ATF6: variants seen among roughly 807,000 people sequenced by gnomAD.
ATF6 encodes the protein activating transcription factor 6, also known as cyclic AMP-dependent transcription factor ATF-6 alpha.
In ATF6, 53 loss-of-function variants were observed where a neutral mutation model predicts 83.6. The ratio of observed to expected loss-of-function variants is 0.63; its 90% CI spans 0.51 to 0.80. ATF6 has a LOEUF of 0.80. Among genes scored for constraint, ATF6 ranks in the 30% least tolerant of loss-of-function variants. ATF6 has a pLI of 0.00. For missense variants in ATF6, 744 were observed against 797.9 expected (o/e 0.93, Z 0.81); for synonymous variants, 288 against 285.8 (o/e 1.01, Z -0.08).
chr1:161,908,619 G>A (rs1260616821), intron 14 of ATF6, among the ~76,000 whole-genome samples: 4 of 147,764 alleles, frequency 2.7e-5, no homozygotes, highest in Admixed American at 2.1e-4. Flanking sequence ...TCATTCCAGA[G>A]GAAATCCTAT....
At chr1:161,854,414 G>A (rs538564118) in intron 12 of ATF6, among the ~76,000 whole-genome samples, 1 of 152,264 alleles carries the variant, frequency 6.6e-6, no homozygotes, top group South Asian at 2.1e-4. Context: ...ATCAGGCCTG[G>A]CTTTTAGCCA....
Position 161,887,048 on chromosome 1 carries a change from C to G in ATF6, c.1719+23736C>G, listed in dbSNP as rs1035786705. 2.2e-4 allele frequency among the ~76,000 whole-genome samples: 33 copies of G among 152,082 alleles called. No individual in the cohort carries two copies. In the East Asian group the frequency reaches 4.4e-3, roughly 20 times the overall value. On this transcript the variant is annotated intron_variant, in intron 14 of 15. Transcript: ENST00000367942. ...AAGGGAAGTGATATATTTGTCAACC[C>G]TAACTACATTGTAAAATGAAGCTTT...
intron 7 of ATF6, among the ~76,000 whole-genome samples, chr1:161,811,025 C>T (rs1389200931): frequency 2.6e-5 from 4 of 152,136 alleles, no homozygotes; most frequent in Non-Finnish European, 5.9e-5. Context: ...AGACATTTGG[C>T]TTGTCTCCAC....
At chr1:161,878,139 A>C (rs761139338) in intron 14 of ATF6, among the ~76,000 whole-genome samples, 12 of 151,984 alleles carry the variant, frequency 7.9e-5, no homozygotes, top group Non-Finnish European at 1.5e-4. Flanking sequence ...TTTGGAGACG[A>C]GTCTTATTCC....
At chr1:161,867,910 C>T (rs993473820) in intron 14 of ATF6, among the ~76,000 whole-genome samples, 1 of 152,214 alleles carries the variant, frequency 6.6e-6, no homozygotes, top group Non-Finnish European at 1.5e-5. Context: ...GTATGCACCC[C>T]TTACTGGTCC....
intron 15 of ATF6, among the ~76,000 whole-genome samples, chr1:161,918,833 T>C (rs1688149645): frequency 6.6e-6 from 1 of 152,192 alleles, no homozygotes; most frequent in South Asian, 2.1e-4. Flanking sequence ...AGACAGAAAT[T>C]CAGATTTTAT....
At chr1:161,924,766 A>G (rs955273797) in intron 15 of ATF6, among the ~76,000 whole-genome samples, 2 of 152,204 alleles carry the variant, frequency 1.3e-5, no homozygotes, top group Non-Finnish European at 1.5e-5. Context: ...CCTTGTGGGA[A>G]ATGTGATCTA....
chr1:161,784,826 A>G (rs760718466), intron 4 of ATF6, among the ~76,000 whole-genome samples: 4 of 152,190 alleles, frequency 2.6e-5, no homozygotes, highest in Non-Finnish European at 4.4e-5. Context: ...GGCCATCACT[A>G]TCTCACCTGG....
intron 14 of ATF6, among the ~76,000 whole-genome samples, chr1:161,905,657 T>C (rs1687864693): frequency 1.3e-5 from 2 of 152,226 alleles, no homozygotes; most frequent in African/African-American, 4.8e-5. Flanking sequence ...GACTTTTTTT[T>C]GGATTGCTGT....
At chr1:161,935,913 TTTC>T (rs1186078677) in intron 15 of ATF6, among the ~76,000 whole-genome samples, 1 of 152,258 alleles carries the variant, frequency 6.6e-6, no homozygotes, top group Non-Finnish European at 1.5e-5. Context: ...TAGAAATTTC[TTTC>T]TGTTACTGCT....
intron 12 of ATF6, among the ~76,000 whole-genome samples, chr1:161,854,791 G>A (rs1348770268): frequency 1.3e-5 from 2 of 152,054 alleles, no homozygotes; most frequent in African/African-American, 4.8e-5. Flanking sequence ...AGAATGGCAT[G>A]AACTTGGGAG....
At chr1:161,894,865 A>G (rs1475788441) in intron 14 of ATF6, among the ~76,000 whole-genome samples, 5 of 151,212 alleles carry the variant, frequency 3.3e-5, no homozygotes, top group Non-Finnish European at 5.9e-5. Context: ...TGTAGTCTTT[A>G]TGAGGTTTAC....
At chr1:161,893,008 C>T (rs1247145273) in intron 14 of ATF6, among the ~76,000 whole-genome samples, 3 of 152,046 alleles carry the variant, frequency 2.0e-5, no homozygotes, top group South Asian at 2.1e-4. Flanking sequence ...AAGCCATTGT[C>T]TTCTCAACAG....
At chr1:161,945,046 T>C (rs1558035753) in intron 15 of ATF6, among the ~76,000 whole-genome samples, 1 of 152,240 alleles carries the variant, frequency 6.6e-6, no homozygotes. Flanking sequence ...GTGGTGTCCA[T>C]ATCCTTAGGA....
chr1:161,893,236 G>A (rs1174707774), intron 14 of ATF6, among the ~76,000 whole-genome samples: 1 of 151,076 alleles, frequency 6.6e-6, no homozygotes, highest in African/African-American at 2.4e-5. Flanking sequence ...GTGCGATCTC[G>A]ACTCACTGCA....
At chr1:161,886,817 G>T (rs1687431348) in intron 14 of ATF6, among the ~76,000 whole-genome samples, 1 of 152,220 alleles carries the variant, frequency 6.6e-6, no homozygotes, top group Non-Finnish European at 1.5e-5. Flanking sequence ...GATTCGACAT[G>T]TTAAGCCAAC....
intron 14 of ATF6, among the ~76,000 whole-genome samples, chr1:161,890,043 T>G (rs1687514092): frequency 6.6e-6 from 1 of 152,250 alleles, no homozygotes; most frequent in African/African-American, 2.4e-5. Flanking sequence ...ATTATTTTTG[T>G]GAACTCTCTG....
intron 14 of ATF6, among the ~76,000 whole-genome samples, chr1:161,895,835 T>C (rs1182949653): frequency 6.6e-6 from 1 of 152,236 alleles, no homozygotes; most frequent in African/African-American, 2.4e-5. Context: ...ATGAACTGTT[T>C]CAGCTTTCAT....
intron 9 of ATF6, among the ~76,000 whole-genome samples, chr1:161,829,547 A>T (rs188996338): frequency 2.0e-5 from 3 of 152,306 alleles, no homozygotes; most frequent in African/African-American, 7.2e-5. Context: ...TCGATGAAAA[A>T]ATCCTCAATA....
Sources: gnomAD v4.1 joint callset for allele counts (sites outside exome capture counted in the v4.1 genomes callset) on GRCh38, gnomAD v4.1.1 for gene constraint, MANE v1.5 for transcripts, NCBI Gene and HGNC (gene_info 2026-07-23, HGNC 2026-07-21) for gene names.